The following ACACA variants were observed in gnomAD, a reference collection of about 807,000 sequenced individuals.
The protein encoded by ACACA is acetyl-CoA carboxylase alpha, also known as acetyl-CoA carboxylase 1.
In ACACA, 103 loss-of-function variants were observed where a neutral mutation model predicts 296.1. That is an observed-to-expected ratio of 0.35 (90% CI 0.30 to 0.41). ACACA has a LOEUF of 0.41. ACACA is among the 10% of genes least tolerant of loss of function. ACACA has a pLI of 1.00. For missense variants in ACACA, 1,554 were observed against 2,989.7 expected (o/e 0.52, Z 11.20); for synonymous variants, 953 against 1,038.6 (o/e 0.92, Z 1.58).
Position 37,155,693 on chromosome 17 carries a change from C to T in ACACA, c.5437G>A (p.Gly1813Arg), listed in dbSNP as rs778904786. The T allele has an allele frequency of 6.2e-7, 1 of 1,606,192 alleles. No individual in the cohort carries two copies. Among genetic ancestry groups the T allele is most frequent in the Non-Finnish European group, 8.5e-7 (1 of 1,174,676 alleles). Residue 1813 changes from glycine to arginine, a missense_variant, in exon 43 of 56, where the codon GGA (glycine) becomes AGA (arginine). Around this residue, in one of 16 missense-constraint regions of ACACA, gnomAD observed 553 missense variants for 1,043.6 expected, o/e 0.53. Coordinates refer to ENST00000616317, the MANE Select transcript of ACACA (RefSeq NM_198834.3). The stretch of plus-strand genomic sequence containing the variant: ...TACATATATACCTACCTGGATTCTC[C>T]TTCATCTTCCACGTGTTCACAATGG... ...SVHCEHVEDEGESRYKITDII... is the reference protein window; with the variant it reads ...SVHCEHVEDERESRYKITDII...
chr17:37,222,424 T>C (rs1191304852), intron 28 of ACACA, among the ~76,000 whole-genome samples: 13 of 152,136 alleles, frequency 8.5e-5, no homozygotes, highest in Admixed American at 8.5e-4. Flanking sequence ...TCTCAAATAC[T>C]TGAACTTGAC....
At chr17:37,200,312 G>T (rs2078187906) in intron 34 of ACACA, 115 bp downstream of exon 34, 3 of 1,354,884 alleles carry the variant, frequency 2.2e-6, no homozygotes, top group South Asian at 2.4e-5. Context: ...TTACAGAAAA[G>T]TGGTTATTTC....
At chr17:37,225,445 T>C (rs547487535) in intron 26 of ACACA, 2 of 266,848 alleles carry the variant, frequency 7.5e-6, no homozygotes, top group Admixed American at 9.7e-5. Context: ...TAGCTGTTAA[T>C]TGGGAATCAG....
Position 37,248,630 on chromosome 17 carries a change from A to G in ACACA, c.2126T>C (p.Val709Ala). The change falls in exon 17 of 56, where the codon GTT (valine) becomes GCT (alanine). Residue 709 changes from valine to alanine, a missense_variant. Physicochemically the swap from Val to Ala is moderately conservative, Grantham distance 64. Transcript: ENST00000616317. ...PAHTLLNTVD[V>A]ELIYEGVKYV... Reference sequence around the variant, plus strand: ...CTTGACTCCCTCATAGATAAGTTCAACATCTACTGTATTCAGAAGTGTATG... The same window carrying G: ...CTTGACTCCCTCATAGATAAGTTCAGCATCTACTGTATTCAGAAGTGTATG... 2 of 1,611,954 alleles carry G rather than the reference A, an allele frequency of 1.2e-6. No homozygotes were observed.
chr17:37,405,092 C>G (rs2051426337), intron 1 of ACACA, among the ~76,000 whole-genome samples: 1 of 152,174 alleles, frequency 6.6e-6, no homozygotes, highest in East Asian at 1.9e-4. Flanking sequence ...CTTGCTGCTT[C>G]TCTTCTAGGA....
At chr17:37,337,426 A>AC (rs2048173838) in intron 2 of ACACA, among the ~76,000 whole-genome samples, 1 of 146,966 alleles carries the variant, frequency 6.8e-6, no homozygotes, top group African/African-American at 2.4e-5. Context: ...AAAAAAAAAA[A>AC]AAAAAAGAAA....
intron 6 of ACACA, among the ~76,000 whole-genome samples, chr17:37,277,574 A>G (rs2082333525): frequency 6.6e-6 from 1 of 152,208 alleles, no homozygotes. Flanking sequence ...GAAACAGCCT[A>G]CTTCTTTAAT....
chr17:37,350,861 A>T (rs1290142382), intron 1 of ACACA, among the ~76,000 whole-genome samples: 1 of 151,620 alleles, frequency 6.6e-6, no homozygotes, highest in Non-Finnish European at 1.5e-5. Flanking sequence ...GGCCAGGTGC[A>T]GTGGCCCACG....
chr17:37,150,618 G>C (rs2075998170), intron 44 of ACACA, among the ~76,000 whole-genome samples: 1 of 151,904 alleles, frequency 6.6e-6, no homozygotes. Context: ...GTTGGAGGTG[G>C]TGGCACATGC....
chr17:37,300,403 C>T (rs1413527271), intron 3 of ACACA, among the ~76,000 whole-genome samples: 1 of 152,096 alleles, frequency 6.6e-6, no homozygotes, highest in Non-Finnish European at 1.5e-5. Flanking sequence ...TGGCAAAAGA[C>T]CCTAAAGGCT....
intron 1 of ACACA, among the ~76,000 whole-genome samples, chr17:37,356,313 G>A (rs971676913): frequency 6.6e-6 from 1 of 151,918 alleles, no homozygotes; most frequent in Non-Finnish European, 1.5e-5. Flanking sequence ...CTGTTTATTC[G>A]CTTTTTTGTA....
chr17:37,340,072 AAAC>A (rs2048315341), intron 1 of ACACA, among the ~76,000 whole-genome samples: 2 of 152,226 alleles, frequency 1.3e-5, no homozygotes, highest in African/African-American at 4.8e-5. Context: ...AGAAAATATT[AAAC>A]AATAGAACAA....
At chr17:37,259,789 A>T (rs1218731838) in intron 11 of ACACA, among the ~76,000 whole-genome samples, 1 of 152,124 alleles carries the variant, frequency 6.6e-6, no homozygotes, top group African/African-American at 2.4e-5. Flanking sequence ...ATGCAGACAA[A>T]AAAACATGGG....
chr17:37,355,208 A>C (rs1450600801), intron 1 of ACACA, among the ~76,000 whole-genome samples: 2 of 151,028 alleles, frequency 1.3e-5, no homozygotes, highest in Non-Finnish European at 2.9e-5. Flanking sequence ...ACACCACTGC[A>C]CTCCAGCCTG....
intron 38 of ACACA, among the ~76,000 whole-genome samples, chr17:37,189,826 T>C (rs2077677376): frequency 6.6e-6 from 1 of 152,042 alleles, no homozygotes; most frequent in Non-Finnish European, 1.5e-5. Flanking sequence ...TAGCTTGGAA[T>C]TTTTAAGGGA....
intron 10 of ACACA, among the ~76,000 whole-genome samples, chr17:37,267,052 T>C (rs936608478): frequency 4.6e-5 from 7 of 152,254 alleles, no homozygotes; most frequent in African/African-American, 7.2e-5. Flanking sequence ...TTTACTTTTC[T>C]GTTATGGCAA....
chr17:37,187,511 C>T (rs1410813137), intron 39 of ACACA, among the ~76,000 whole-genome samples: 3 of 152,148 alleles, frequency 2.0e-5, no homozygotes, highest in Non-Finnish European at 2.9e-5. Context: ...CAATGGTGAA[C>T]CAACCTAATT....
At chr17:37,130,036 C>G (rs939283311) in intron 46 of ACACA, 39 bp downstream of exon 46, 15 of 1,612,920 alleles carry the variant, frequency 9.3e-6, no homozygotes, top group Non-Finnish European at 1.3e-5. Flanking sequence ...AAATGACAGG[C>G]TCTGCAGGCC....
intron 1 of ACACA, among the ~76,000 whole-genome samples, chr17:37,366,410 C>T (rs1424553098): frequency 2.6e-5 from 4 of 151,762 alleles, no homozygotes; most frequent in Non-Finnish European, 5.9e-5. Context: ...CCTTTTAATA[C>T]CTTGTCTTAA....
Sources: gnomAD v4.1 joint callset for allele counts (sites outside exome capture counted in the v4.1 genomes callset) on GRCh38, gnomAD v4.1.1 for gene constraint, gnomAD v4.1.1 regional missense constraint, MANE v1.5 for transcripts, NCBI Gene and HGNC (gene_info 2026-07-23, HGNC 2026-07-21) for gene names.